The following EPHA5 variants were observed in gnomAD, a reference collection of about 807,000 sequenced individuals.
EPHA5 encodes EPH receptor A5.
Under a neutral mutation model 105.0 loss-of-function variants are expected in EPHA5, and 60 were observed. The observed-to-expected ratio is 0.57, with a 90% CI of 0.46 to 0.71. The LOEUF (loss-of-function observed/expected upper bound fraction) is 0.71, where lower values mean the gene tolerates loss of function less well. Ranked by LOEUF, EPHA5 falls within the 30% of genes least tolerant of loss-of-function variation. The pLI, the probability that EPHA5 is intolerant of heterozygous loss-of-function variation, is 0.00. For synonymous variants in EPHA5, 513 were observed against 449.1 expected (o/e 1.14, Z -1.80); for missense variants, 1,218 against 1,274.7 (o/e 0.96, Z 0.68).
chr4:65,541,952 C>G (rs571848470), intron 3 of EPHA5, among the ~76,000 whole-genome samples: 1 of 151,936 alleles, frequency 6.6e-6, no homozygotes, highest in Non-Finnish European at 1.5e-5. Context: ...CAAAACCACA[C>G]GACAACATGG....
chr4:65,330,849 A>G (rs908871978), intron 16 of EPHA5: 3 of 1,033,798 alleles, frequency 2.9e-6, no homozygotes, highest in Admixed American at 5.7e-5. Context: ...TGAGAATGAG[A>G]TTCAGTAAAT....
intron 8 of EPHA5, among the ~76,000 whole-genome samples, chr4:65,381,348 AG>A (rs1318717631): frequency 6.6e-6 from 1 of 151,774 alleles, no homozygotes; most frequent in African/African-American, 2.4e-5. Flanking sequence ...ATGATGGCAT[AG>A]GCATATGTCA....
At chr4:65,410,085 A>T (rs748576003) in intron 7 of EPHA5, among the ~76,000 whole-genome samples, 5 of 152,292 alleles carry the variant, frequency 3.3e-5, no homozygotes, top group Non-Finnish European at 7.4e-5. Context: ...ATAAAAACTT[A>T]CTTTGACATA....
intron 8 of EPHA5, among the ~76,000 whole-genome samples, chr4:65,389,054 T>A (rs1223927837): frequency 1.3e-5 from 2 of 152,088 alleles, no homozygotes; most frequent in Non-Finnish European, 2.9e-5. Flanking sequence ...ATCTTTGGTA[T>A]GATTACATAG....
chr4:65,645,090 T>C (rs1748003948), intron 1 of EPHA5, among the ~76,000 whole-genome samples: 1 of 152,116 alleles, frequency 6.6e-6, no homozygotes, highest in South Asian at 2.1e-4. Flanking sequence ...CCCACTGACC[T>C]TGCAAATCCT....
At chr4:65,592,947 G>T (rs966238836) in intron 3 of EPHA5, among the ~76,000 whole-genome samples, 6 of 152,198 alleles carry the variant, frequency 3.9e-5, no homozygotes, top group Admixed American at 2.6e-4. Flanking sequence ...AATCATGTGA[G>T]AAACTCCTCT....
chr4:65,350,329 C>G (rs1411103727), intron 13 of EPHA5, among the ~76,000 whole-genome samples: 1 of 151,726 alleles, frequency 6.6e-6, no homozygotes, highest in Non-Finnish European at 1.5e-5. Context: ...CTCCCTTCAA[C>G]AAAGTACAAA....
At chr4:65,583,103 G>A (rs564649379) in intron 3 of EPHA5, among the ~76,000 whole-genome samples, 1 of 151,622 alleles carries the variant, frequency 6.6e-6, no homozygotes, top group Admixed American at 6.6e-5. Context: ...TTAATAATAT[G>A]TTTAAGGTAT....
chr4:65,483,743 A>T (rs554837993), intron 5 of EPHA5, among the ~76,000 whole-genome samples: 1 of 152,118 alleles, frequency 6.6e-6, no homozygotes, highest in African/African-American at 2.4e-5. Context: ...TCAGCTTTTG[A>T]TTATTTTACC....
intron 3 of EPHA5, among the ~76,000 whole-genome samples, chr4:65,535,735 A>G (rs1393159945): frequency 2.0e-5 from 3 of 152,070 alleles, no homozygotes; most frequent in South Asian, 2.1e-4. Context: ...ATTAAAATGT[A>G]CATTATATAC....
chr4:65,396,682 G>T (rs886235209), intron 8 of EPHA5, among the ~76,000 whole-genome samples: 1 of 152,160 alleles, frequency 6.6e-6, no homozygotes, highest in African/African-American at 2.4e-5. Flanking sequence ...TGATAGAACA[G>T]GGATTAGATG....
chr4:65,460,291 T>A lies in EPHA5; in HGVS notation c.1402+30086A>T, dbSNP rs572385344. On this transcript the variant is annotated intron_variant, in intron 5 of 16. Coordinates refer to ENST00000613740, the MANE Select transcript of EPHA5 (RefSeq NM_001281766.3). ...AAACCATATTTACATTACTATATATTCATATTTCTAAATGTGAATTTAACT... is the reference window on the plus strand; with the variant it reads ...AAACCATATTTACATTACTATATATACATATTTCTAAATGTGAATTTAACT... 2.6e-5 allele frequency among the ~76,000 whole-genome samples: 4 copies of A among 151,618 alleles called. No homozygotes were observed. In the South Asian group the frequency reaches 8.3e-4, roughly 31 times the overall value.
At chr4:65,371,651 A>G (rs1474477612) in intron 8 of EPHA5, among the ~76,000 whole-genome samples, 1 of 152,062 alleles carries the variant, frequency 6.6e-6, no homozygotes, top group Non-Finnish European at 1.5e-5. Context: ...AGTAATGTAC[A>G]CAAGCAGTAC....
intron 5 of EPHA5, among the ~76,000 whole-genome samples, chr4:65,485,242 T>C (rs1730770397): frequency 1.3e-5 from 2 of 152,082 alleles, no homozygotes; most frequent in Non-Finnish European, 2.9e-5. Flanking sequence ...TTTATATAAC[T>C]AACATATTGA....
At chr4:65,587,887 G>T (rs1337474286) in intron 3 of EPHA5, among the ~76,000 whole-genome samples, 3 of 152,048 alleles carry the variant, frequency 2.0e-5, no homozygotes, top group Non-Finnish European at 2.9e-5. Flanking sequence ...TCTTTCTGGG[G>T]TGCCTCCCTC....
intron 3 of EPHA5, among the ~76,000 whole-genome samples, chr4:65,577,975 G>T (rs1462733408): frequency 6.6e-6 from 1 of 152,180 alleles, no homozygotes; most frequent in Non-Finnish European, 1.5e-5. Context: ...AGAATTTATA[G>T]CACTTAATTA....
intron 3 of EPHA5, among the ~76,000 whole-genome samples, chr4:65,559,306 C>A (rs1220695430): frequency 6.6e-6 from 1 of 152,034 alleles, no homozygotes; most frequent in Non-Finnish European, 1.5e-5. Context: ...AATGGAGAGA[C>A]CCTTTTCATA....
rs80004167 is a variant in EPHA5 at position 65,429,950 on chromosome 4, G to C, written c.1403-9385C>G. Among the ~76,000 whole-genome samples the C allele has an allele frequency of 3.5e-3, 529 of 152,010 alleles. 28 individuals are homozygous for C. The East Asian group carries it at 0.088, about 25-fold the overall frequency. ...TCTTTAAATAGCATCATTTCTAACA[G>C]CAACATGACAGCCTGGAACTAGAGA... On this transcript the variant is annotated intron_variant, in intron 5 of 16. Transcript: ENST00000613740.
intron 14 of EPHA5, among the ~76,000 whole-genome samples, chr4:65,341,626 A>C (rs1020524): frequency 0.47 from 70,963 of 150,750 alleles, 17,336 homozygotes; most frequent in East Asian, 0.77. Flanking sequence ...TATGTTATAT[A>C]TCTCTCTCTC....
Sources: gnomAD v4.1 joint callset for allele counts (sites outside exome capture counted in the v4.1 genomes callset) on GRCh38, gnomAD v4.1.1 for gene constraint, MANE v1.5 for transcripts, NCBI Gene and HGNC (gene_info 2026-07-23, HGNC 2026-07-21) for gene names.